EFCAB5: variants seen among roughly 807,000 people sequenced by gnomAD.
EFCAB5 encodes EF-hand calcium binding domain 5.
EFCAB5 carries 131 observed loss-of-function variants against 167.9 expected under a neutral mutation model. The observed-to-expected ratio is 0.78, with a 90% confidence interval of 0.68 to 0.90. The LOEUF (loss-of-function observed/expected upper bound fraction) is 0.90. EFCAB5 is among the 40% of genes least tolerant of loss of function. The pLI, the probability that EFCAB5 is intolerant of heterozygous loss-of-function variation, is 0.00. For synonymous variants in EFCAB5, 574 were observed against 602.8 expected, an observed-to-expected ratio of 0.95 and a Z score of 0.70; for missense variants, 1,663 against 1,745.2, an observed-to-expected ratio of 0.95 and a Z score of 0.84.
intron 3 of EFCAB5, among the ~76,000 whole-genome samples, chr17:29,944,640 T>G (rs1416434115): frequency 6.6e-6 from 1 of 151,036 alleles, no homozygotes; most frequent in Non-Finnish European, 1.5e-5. Context: ...TTTTTTTTTT[T>G]GAGACGAAGT....
At chr17:29,955,510 G>A (rs2067596500) in intron 3 of EFCAB5, among the ~76,000 whole-genome samples, 2 of 152,090 alleles carry the variant, frequency 1.3e-5, no homozygotes, top group East Asian at 3.8e-4. Flanking sequence ...GGCCTCCCCA[G>A]CCACGTGGAA....
rs911310972 is a variant in EFCAB5 at position 29,986,637 on chromosome 17, A to ATTTTTTTTTTTTTT, written c.768-6512_768-6499dup. On this transcript the variant is annotated intron_variant, in intron 4 of 22. Coordinates refer to ENST00000394835, the MANE Select transcript of EFCAB5 (RefSeq NM_198529.4). ...ATGCCTCAATTATAGGAGTATATTC[A>ATTTTTTTTTTTTTT]TTTTTTTTTTTTTTTTTTTTTTTTT... Among the ~76,000 whole-genome samples, 7 of 58,056 alleles carry ATTTTTTTTTTTTTT rather than the reference A, an allele frequency of 1.2e-4. 2 individuals are homozygous for ATTTTTTTTTTTTTT. The highest frequency in any genetic ancestry group is 3.5e-4 in the African/African-American group (5 of 14,250). 38.1% of individuals were successfully genotyped at this position (58,056 alleles called of 152,430 possible).
chr17:29,982,807 AT>A (rs2068205256), intron 4 of EFCAB5, among the ~76,000 whole-genome samples: 1 of 152,220 alleles, frequency 6.6e-6, no homozygotes, highest in South Asian at 2.1e-4. Context: ...CACTTTTGAT[AT>A]AATCTAGGCA....
intron 1 of EFCAB5, among the ~76,000 whole-genome samples, chr17:29,933,917 G>A (rs2067223834): frequency 6.6e-6 from 1 of 152,084 alleles, no homozygotes; most frequent in African/African-American, 2.4e-5. Context: ...ACAGCACACT[G>A]GGATAAATTA....
At chr17:29,936,049 C>G (rs7208579) in intron 1 of EFCAB5, among the ~76,000 whole-genome samples, 74,681 of 151,952 alleles carry the variant, frequency 0.49, 18,723 homozygotes, top group East Asian at 0.69. Context: ...ACTAGGTGAA[C>G]CACACAGGAA....
At chr17:29,971,541 A>G (rs1209079796) in intron 4 of EFCAB5, among the ~76,000 whole-genome samples, 1 of 152,182 alleles carries the variant, frequency 6.6e-6, no homozygotes, top group East Asian at 1.9e-4. Flanking sequence ...CAATGGGAAA[A>G]TGTACCTAAT....
chr17:30,037,021 T>C (rs1274207426), intron 8 of EFCAB5, among the ~76,000 whole-genome samples: 1 of 152,148 alleles, frequency 6.6e-6, no homozygotes, highest in Non-Finnish European at 1.5e-5. Flanking sequence ...GCAACATTAT[T>C]GATACCCCTG....
At chr17:30,098,508 G>GGCC (rs2071335729) in intron 22 of EFCAB5, among the ~76,000 whole-genome samples, 1 of 151,070 alleles carries the variant, frequency 6.6e-6, no homozygotes, top group Non-Finnish European at 1.5e-5. Context: ...CTCCAGCCTG[G>GGCC]GCCACAGAAC....
At chr17:29,942,420 GA>G in intron 2 of EFCAB5, 118 bp downstream of exon 2, 2 of 929,274 alleles carry the variant, frequency 2.2e-6, no homozygotes, top group Non-Finnish European at 1.5e-6. Flanking sequence ...ATTGCAAAAG[GA>G]AAAGGACAAA....
intron 22 of EFCAB5, among the ~76,000 whole-genome samples, chr17:30,095,724 G>A (rs2071278009): frequency 6.6e-6 from 1 of 152,216 alleles, no homozygotes; most frequent in Non-Finnish European, 1.5e-5. Context: ...CTGAGGACAT[G>A]CCTTTTTCTT....
intron 20 of EFCAB5, among the ~76,000 whole-genome samples, chr17:30,091,557 G>T (rs1005542228): frequency 6.6e-6 from 1 of 152,172 alleles, no homozygotes; most frequent in African/African-American, 2.4e-5. Flanking sequence ...TTTCACAGAA[G>T]AGGAAAAGGA....
chr17:30,040,390 C>G (rs1420200888), intron 8 of EFCAB5, among the ~76,000 whole-genome samples: 1 of 152,186 alleles, frequency 6.6e-6, no homozygotes. Flanking sequence ...CTTATCCATC[C>G]CCAAGCAGTT....
chr17:30,097,060 A>AT (rs199614574), intron 22 of EFCAB5, among the ~76,000 whole-genome samples: 4 of 65,610 alleles, frequency 6.1e-5, no homozygotes, highest in East Asian at 4.6e-4. Context: ...ATATATATAT[A>AT]TTTTTTTTTT....
intron 7 of EFCAB5, among the ~76,000 whole-genome samples, chr17:30,019,972 CAT>C: frequency 6.6e-6 from 1 of 152,234 alleles, no homozygotes; most frequent in South Asian, 2.1e-4. Flanking sequence ...AGCTAATTAA[CAT>C]ATTCATCATC....
At chr17:29,996,171 C>T (rs2068539033) in intron 5 of EFCAB5, 141 bp from the exon 6 acceptor site, 1 of 621,488 alleles carries the variant, frequency 1.6e-6, no homozygotes, top group African/African-American at 1.8e-5. Flanking sequence ...TGACTTATTA[C>T]TATTTCTGTC....
chr17:30,034,231 A>G lies in EFCAB5; in HGVS notation c.1046A>G (p.Tyr349Cys). Residue 349 changes from tyrosine (Y) to cysteine (C), a missense_variant and splice_region_variant, in exon 8 of 23, where the codon TAC becomes TGC. Tyr to Cys is a radical substitution (Grantham distance 194). Transcript: ENST00000394835. ...PRLNKMEFTE[Y>C]ISSHIKDLKS... Reference sequence around the variant, plus strand: ...TATCCTCTTTTTTTTCCCCTGTAGTACATCTCTTCACATATTAAAGACTTG... The same window carrying G: ...TATCCTCTTTTTTTTCCCCTGTAGTGCATCTCTTCACATATTAAAGACTTG... 1 of 1,613,766 alleles carries G rather than the reference A, an allele frequency of 6.2e-7. No homozygotes were observed. Among genetic ancestry groups the G allele is most frequent in the Non-Finnish European group, 8.5e-7 (1 of 1,179,780 alleles).
At chr17:30,008,153 A>G (rs919406261) in intron 7 of EFCAB5, among the ~76,000 whole-genome samples, 2 of 152,130 alleles carry the variant, frequency 1.3e-5, no homozygotes, top group Non-Finnish European at 2.9e-5. Context: ...CTAATATAAA[A>G]GGATGAAAAA....
At chr17:30,060,049 C>G (rs555853076) in intron 14 of EFCAB5, among the ~76,000 whole-genome samples, 1 of 152,088 alleles carries the variant, frequency 6.6e-6, no homozygotes, top group Non-Finnish European at 1.5e-5. Context: ...ATATTAGAAG[C>G]CTTGTGCATT....
intron 14 of EFCAB5, chr17:30,073,168 A>C: frequency 1.4e-6 from 1 of 698,290 alleles, no homozygotes. Context: ...CGATCATCCC[A>C]TCACAGACTC....
Sources: gnomAD v4.1 joint callset for allele counts (sites outside exome capture counted in the v4.1 genomes callset) on GRCh38, gnomAD v4.1.1 for gene constraint, MANE v1.5 for transcripts, NCBI Gene and HGNC (gene_info 2026-07-23, HGNC 2026-07-21) for gene names.